Variants in PCDHGB4 observed in about 807,000 individuals in gnomAD.
PCDHGB4 encodes protocadherin gamma subfamily B, 4.
In PCDHGB4, 38 loss-of-function variants were observed where a neutral mutation model predicts 60.5. The ratio of observed to expected loss-of-function variants is 0.63; its 90% CI spans 0.48 to 0.82. PCDHGB4 has a LOEUF of 0.82. Ranked by LOEUF, PCDHGB4 falls within the 40% of genes least tolerant of loss-of-function variation. The probability of loss-of-function intolerance (pLI) is 0.00; values close to 1 mark genes in which losing one functional copy is unlikely to be tolerated. For missense variants in PCDHGB4, 1,109 were observed against 1,209.6 expected, an observed-to-expected ratio of 0.92 and a Z score of 1.23; for synonymous variants, 456 against 509.7, an observed-to-expected ratio of 0.89 and a Z score of 1.42.
intron 1 of PCDHGB4, chr5:141,440,744 A>C (rs2098197850): frequency 6.6e-6 from 1 of 152,194 alleles, no homozygotes; most frequent in Non-Finnish European, 1.5e-5. Context: ...CTGCTTGACT[A>C]GGAAAAGCAG....
chr5:141,444,008 A>G (rs2098413646), intron 1 of PCDHGB4, among the ~76,000 whole-genome samples: 2 of 152,140 alleles, frequency 1.3e-5, no homozygotes, highest in Non-Finnish European at 2.9e-5. Context: ...CTACCTGGGT[A>G]TTGGCTTCTA....
chr5:141,405,770 G>A (rs989163026), intron 1 of PCDHGB4, among the ~76,000 whole-genome samples: 9 of 152,030 alleles, frequency 5.9e-5, no homozygotes, highest in South Asian at 4.2e-4. Flanking sequence ...GAGCCACTGC[G>A]CCTGGCCCTT....
At chr5:141,400,740 G>T in intron 1 of PCDHGB4, 1 of 616,766 alleles carries the variant, frequency 1.6e-6, no homozygotes, top group Non-Finnish European at 2.8e-6. Context: ...GTGAGAGTTT[G>T]CTCTTAGCTT....
chr5:141,395,646 C>T (rs1174950813), intron 1 of PCDHGB4: 2 of 167,832 alleles, frequency 1.2e-5, no homozygotes, highest in Non-Finnish European at 2.5e-5. Flanking sequence ...TTGTTATTAG[C>T]TTAGCAAAAG....
At chr5:141,495,089 C>G (rs1440289878) in intron 2 of PCDHGB4, among the ~76,000 whole-genome samples, 2 of 152,284 alleles carry the variant, frequency 1.3e-5, no homozygotes, top group East Asian at 3.9e-4. Flanking sequence ...TGCCCCTTCC[C>G]TCCTCGCCAC....
chr5:141,414,855 C>T (rs2095795912), intron 1 of PCDHGB4: 3 of 1,614,236 alleles, frequency 1.9e-6, no homozygotes, highest in Non-Finnish European at 2.5e-6. Flanking sequence ...TGGACCAGAA[C>T]GACAATGCGC....
intron 1 of PCDHGB4, chr5:141,394,115 T>G: frequency 2.5e-6 from 4 of 1,613,954 alleles, no homozygotes; most frequent in Non-Finnish European, 3.4e-6. Flanking sequence ...CTCTGTCCAC[T>G]GAAACTCAAA....
At position 141,413,561 on chromosome 5, in the gene PCDHGB4, AT is replaced by A. The variant is rs1363955348; in HGVS notation, c.2397+23281del. The stretch of plus-strand genomic sequence containing the variant: ...TTTGGGATAGAAATAGAAGTAACTG[AT>A]ATCAATGACAATGCTCCAAAATTCC... On this transcript the variant is annotated intron_variant, in intron 1 of 3. Coordinates refer to ENST00000519479, the MANE Select transcript of PCDHGB4 (RefSeq NM_003736.4). The A allele has an allele frequency of 6.2e-6, 10 of 1,613,806 alleles. No individual in the cohort carries two copies. In the Admixed American group the frequency reaches 1.3e-4, roughly 22 times the overall value.
chr5:141,494,468 C>G (rs2099754577), intron 1 of PCDHGB4, among the ~76,000 whole-genome samples: 1 of 152,136 alleles, frequency 6.6e-6, no homozygotes, highest in East Asian at 1.9e-4. Context: ...TGCACCTCTT[C>G]CCCCAGTTCC....
At chr5:141,424,022 A>G (rs2096795541) in intron 1 of PCDHGB4, 13 of 1,046,584 alleles carry the variant, frequency 1.2e-5, no homozygotes, top group Non-Finnish European at 1.4e-5. Context: ...ATGATTCACA[A>G]ACACTTTTTA....
chr5:141,427,547 T>C (rs747558888), intron 1 of PCDHGB4: 1 of 640,310 alleles, frequency 1.6e-6, no homozygotes, highest in South Asian at 1.5e-5. Flanking sequence ...TCACCATCAC[T>C]GCCACTGACA....
At chr5:141,481,813 G>A (rs185558948) in intron 1 of PCDHGB4, among the ~76,000 whole-genome samples, 15 of 151,942 alleles carry the variant, frequency 9.9e-5, no homozygotes, top group East Asian at 7.8e-4. Context: ...TTCACCAGGC[G>A]TGGTGGCTGA....
rs777288812 is a variant in PCDHGB4 at position 141,487,236 on chromosome 5, G to A, written c.2398-7571G>A. The A allele has an allele frequency of 1.7e-5, 28 of 1,613,962 alleles. No homozygotes were observed. The highest frequency in any genetic ancestry group is 1.4e-4 in the South Asian group (13 of 91,070). On this transcript the variant is annotated intron_variant, in intron 1 of 3. Coordinates refer to ENST00000519479, the MANE Select transcript of PCDHGB4 (RefSeq NM_003736.4). This position sits in a 1 kb window ranked among gnomAD's most constrained non-coding sequence, Gnocchi z 5.0. ...TCAGCTCCAAGGGAAGGAGAATCTC[G>A]TCTAACCCTCTACTTGGCTGTGTCC... is the stretch of plus-strand genomic sequence containing the variant.
At chr5:141,499,423 GA>G (rs1229901490) in intron 2 of PCDHGB4, among the ~76,000 whole-genome samples, 3 of 151,756 alleles carry the variant, frequency 2.0e-5, no homozygotes, top group Non-Finnish European at 2.9e-5. Flanking sequence ...ATGAAAAATA[GA>G]AAAAAAATTA....
chr5:141,451,414 A>G (rs934393544), intron 1 of PCDHGB4, among the ~76,000 whole-genome samples: 2 of 152,108 alleles, frequency 1.3e-5, no homozygotes, highest in African/African-American at 2.4e-5. Flanking sequence ...TTCCTTGTGG[A>G]TTGTTAGACT....
intron 1 of PCDHGB4, chr5:141,413,949 T>C (rs1291474416): frequency 6.2e-7 from 1 of 1,613,218 alleles, no homozygotes; most frequent in African/African-American, 1.3e-5. Context: ...TTCCTGAGAA[T>C]TTGCCTGTGG....
chr5:141,409,577 G>A, intron 1 of PCDHGB4: 1 of 1,613,920 alleles, frequency 6.2e-7, no homozygotes, highest in South Asian at 1.1e-5. Context: ...GTCCTACGTG[G>A]TCCACGTGGC....
At chr5:141,433,202 T>C (rs1433315739) in intron 1 of PCDHGB4, 2 of 1,578,202 alleles carry the variant, frequency 1.3e-6, no homozygotes, top group Non-Finnish European at 1.7e-6. Context: ...ATATCAAATC[T>C]TCTTTCTTTT....
intron 1 of PCDHGB4, among the ~76,000 whole-genome samples, chr5:141,438,019 G>A (rs1031334687): frequency 1.3e-5 from 2 of 152,104 alleles, no homozygotes; most frequent in Non-Finnish European, 2.9e-5. Context: ...GAGATTACAG[G>A]TGTGAGCCAC....
Sources: gnomAD v4.1 joint callset for allele counts (sites outside exome capture counted in the v4.1 genomes callset) on GRCh38, gnomAD v4.1.1 for gene constraint, Gnocchi (gnomAD v3.1) non-coding constraint, MANE v1.5 for transcripts, NCBI Gene and HGNC (gene_info 2026-07-23, HGNC 2026-07-21) for gene names.